Variants in PMFBP1 observed in about 807,000 individuals in gnomAD.
PMFBP1 encodes the protein polyamine modulated factor 1 binding protein 1, also known as polyamine-modulated factor 1-binding protein 1.
Under a neutral mutation model 137.8 loss-of-function variants are expected in PMFBP1, and 131 were observed. The ratio of observed to expected loss-of-function variants is 0.95; its 90% CI spans 0.82 to 1.10. The LOEUF (loss-of-function observed/expected upper bound fraction) is 1.10. PMFBP1 is among the 50% of genes least tolerant of loss of function. The pLI is 0.00. For missense variants in PMFBP1, 1,199 were observed against 1,175.4 expected (o/e 1.02, Z -0.29); for synonymous variants, 490 against 450.4 (o/e 1.09, Z -1.11).
At chr16:72,210,502 C>T in the PMFBP1 span, among the ~76,000 whole-genome samples, 21 of 152,288 alleles carry the variant, frequency 1.4e-4, no homozygotes, top group African/African-American at 4.3e-4. Flanking sequence ...CCCCAGAACC[C>T]AAACTTCACA....
chr16:72,126,150 A>G lies in PMFBP1; in HGVS notation c.2089-18T>C. Reference sequence around the variant, plus strand: ...AGGGCTATCTTTAAGGAGGGAGAGCAGAACTGTCAGGGTGCCAGGTCAGGG... The same window carrying G: ...AGGGCTATCTTTAAGGAGGGAGAGCGGAACTGTCAGGGTGCCAGGTCAGGG... On this transcript the variant is annotated intron_variant, in intron 14 of 20. Coordinates refer to ENST00000237353, the MANE Select transcript of PMFBP1 (RefSeq NM_031293.3). 6.2e-7 allele frequency: 1 copy of G among 1,612,576 alleles called. No individual in the cohort carries two copies. The highest frequency in any genetic ancestry group is 1.3e-5 in the African/African-American group (1 of 74,890).
Position 72,139,328 on chromosome 16 carries a change from G to A in PMFBP1, c.879C>T (p.Tyr293=). The change falls in exon 7 of 21, where the codon TAC becomes TAT. Residue 293 remains tyrosine (Y), a synonymous_variant. Coordinates refer to ENST00000237353, the MANE Select transcript of PMFBP1 (RefSeq NM_031293.3). ...DFASCTATHR[Y]PPSSSEECED... ...CACACTCTTCTGAGGAGCTAGGAGGGTATCTGTGGGTGGCTGTACAGGAAG... is the reference window on the plus strand; with the variant it reads ...CACACTCTTCTGAGGAGCTAGGAGGATATCTGTGGGTGGCTGTACAGGAAG... The A allele has an allele frequency of 4.3e-6, 7 of 1,614,114 alleles. No individual in the cohort carries two copies. Among genetic ancestry groups the A allele is most frequent in the Non-Finnish European group, 5.9e-6 (7 of 1,179,962 alleles).
At chr16:72,180,533 A>G (rs923006933), upstream of PMFBP1, among the ~76,000 whole-genome samples, 3 of 152,212 alleles carry the variant, frequency 2.0e-5, no homozygotes, top group Non-Finnish European at 4.4e-5. Context: ...TAAAAATAAC[A>G]GGAACAAGTT....
Position 72,140,539 on chromosome 16 carries a change from G to C in PMFBP1, c.680C>G (p.Thr227Ser). The C allele has an allele frequency of 6.2e-7, 1 of 1,613,644 alleles. No individual in the cohort carries two copies. The highest frequency in any genetic ancestry group is 8.5e-7 in the Non-Finnish European group (1 of 1,179,554). The change falls in exon 6 of 21, where the codon ACT (threonine) becomes AGT (serine). Residue 227 changes from threonine (T) to serine (S), a missense_variant. Thr to Ser is a moderately conservative substitution (Grantham distance 58). Transcript: ENST00000237353. Reference protein sequence around the residue: ...KGDHSKVRIYTSPCMIQEHQE... With the variant: ...KGDHSKVRIYSSPCMIQEHQE... ...ATGCTCTTGAATCATGCAAGGAGAA[G>C]TGTATATCCGTACCTTTGAATGATC...
At position 72,136,681 on chromosome 16, in the gene PMFBP1, GC is replaced by G. The variant is rs2042637129; in HGVS notation, c.1045+11del. On this transcript the variant is annotated intron_variant, in intron 8 of 20. Coordinates refer to ENST00000237353, the MANE Select transcript of PMFBP1 (RefSeq NM_031293.3). ...TCTGGCTCCCCTGCCACAGCCTGCA[GC>G]CCCAGTTTACCCTTCATGATGTTTC... is the stretch of plus-strand genomic sequence containing the variant. 1 of 1,614,024 alleles carries G rather than the reference GC, an allele frequency of 6.2e-7. No homozygotes were observed. The highest frequency in any genetic ancestry group is 8.5e-7 in the Non-Finnish European group (1 of 1,180,018).
At chr16:72,164,537 TG>T (rs2043114806) in intron 3 of PMFBP1, 1 of 1,361,566 alleles carries the variant, frequency 7.3e-7, no homozygotes, top group Admixed American at 2.0e-5. Context: ...GTGCCTAGGA[TG>T]TACATGACCT....
chr16:72,123,879 G>A (rs142920639), intron 17 of PMFBP1, among the ~76,000 whole-genome samples: 75 of 152,302 alleles, frequency 4.9e-4, no homozygotes, highest in African/African-American at 1.6e-3. Context: ...GCAGAGACAC[G>A]TAGATTTGTA....
the PMFBP1 span, among the ~76,000 whole-genome samples, chr16:72,231,095 G>A: frequency 7.9e-5 from 12 of 152,090 alleles, no homozygotes; most frequent in Non-Finnish European, 1.5e-4. Context: ...ATGGAGAACC[G>A]ACATTGATTG....
intron 3 of PMFBP1, chr16:72,164,284 G>T (rs530982007): frequency 1.8e-5 from 12 of 673,192 alleles, no homozygotes; most frequent in African/African-American, 1.3e-4. Flanking sequence ...CTATGATCAG[G>T]TTCCTGCATC....
the PMFBP1 span, among the ~76,000 whole-genome samples, chr16:72,191,078 G>A: frequency 6.6e-6 from 1 of 152,142 alleles, no homozygotes; most frequent in East Asian, 1.9e-4. Context: ...TTCAGGAAAT[G>A]CTGCAAATAC....
At chr16:72,209,380 T>C in the PMFBP1 span, among the ~76,000 whole-genome samples, 3 of 152,212 alleles carry the variant, frequency 2.0e-5, no homozygotes, top group African/African-American at 7.2e-5. Flanking sequence ...CTTATTAATT[T>C]ACAATGATAC....
intron 5 of PMFBP1, among the ~76,000 whole-genome samples, 166 bp from the exon 6 acceptor site, chr16:72,140,748 A>G (rs1420886828): frequency 6.6e-6 from 1 of 152,162 alleles, no homozygotes. Flanking sequence ...GTGCATATAC[A>G]TGTTAAAAAG....
chr16:72,140,301 T>G, intron 6 of PMFBP1, 111 bp downstream of exon 6: 5 of 1,150,098 alleles, frequency 4.3e-6, no homozygotes, highest in Non-Finnish European at 6.3e-6. Context: ...ATCAGACATT[T>G]GAGGATTCTC....
At chr16:72,130,504 T>G in intron 11 of PMFBP1, 29 bp downstream of exon 11, 1 of 1,612,926 alleles carries the variant, frequency 6.2e-7, no homozygotes, top group Non-Finnish European at 8.5e-7. Flanking sequence ...ACAGAACCTC[T>G]CTCTGGAGGG....
chr16:72,134,153 C>G (rs2042590016), intron 9 of PMFBP1, among the ~76,000 whole-genome samples: 3 of 152,104 alleles, frequency 2.0e-5, no homozygotes, highest in Admixed American at 2.0e-4. Context: ...CATTACTGCT[C>G]TAAGGCTTTT....
chr16:72,138,446 C>T (rs1257784973), intron 7 of PMFBP1, among the ~76,000 whole-genome samples: 1 of 152,226 alleles, frequency 6.6e-6, no homozygotes, highest in East Asian at 1.9e-4. Flanking sequence ...TCATGGCTGA[C>T]TTAACAGGAC....
downstream of PMFBP1, among the ~76,000 whole-genome samples, chr16:72,118,011 G>A (rs983679119): frequency 2.6e-4 from 40 of 152,186 alleles, no homozygotes; most frequent in African/African-American, 8.7e-4. Flanking sequence ...TTGCTCTGGT[G>A]TAATCACTCC....
the PMFBP1 span, among the ~76,000 whole-genome samples, chr16:72,201,160 C>G: frequency 6.6e-6 from 1 of 152,288 alleles, no homozygotes; most frequent in South Asian, 2.1e-4. Context: ...CCCCCCTCCC[C>G]CAGCAATACT....
chr16:72,123,397 C>A, intron 18 of PMFBP1, 149 bp downstream of exon 18: 1 of 673,754 alleles, frequency 1.5e-6, no homozygotes, highest in Non-Finnish European at 2.5e-6. Flanking sequence ...CCCTCCTCTC[C>A]ATCTTATTTC....
Sources: allele counts gnomAD v4.1 joint callset (sites outside exome capture counted in the v4.1 genomes callset), GRCh38; gene constraint gnomAD v4.1.1; transcripts MANE v1.5; gene names NCBI Gene and HGNC (gene_info 2026-07-23, HGNC 2026-07-21).